Variants in COL23A1 observed in about 807,000 individuals in gnomAD.
COL23A1 encodes collagen type XXIII alpha 1 chain.
A neutral mutation model predicts 99.3 loss-of-function variants in COL23A1; 97 were observed. The observed-to-expected ratio is 0.98, with a 90% CI of 0.83 to 1.16. COL23A1 has a LOEUF of 1.16. Ranked by LOEUF, COL23A1 falls within the 50% of genes most tolerant of loss-of-function variation. The pLI is 0.00. For synonymous variants in COL23A1, 320 were observed against 308.2 expected, an observed-to-expected ratio of 1.04 and a Z score of -0.40; for missense variants, 762 against 757.4, an observed-to-expected ratio of 1.01 and a Z score of -0.07.
At chr5:178,556,274 T>A (rs1182196325) in intron 2 of COL23A1, among the ~76,000 whole-genome samples, 1 of 152,036 alleles carries the variant, frequency 6.6e-6, no homozygotes, top group African/African-American at 2.4e-5. Flanking sequence ...CAATGCGGGA[T>A]AACTGTTGCG....
At chr5:178,245,898 C>T in intron 25 of COL23A1, 44 bp downstream of exon 25, 1 of 1,611,106 alleles carries the variant, frequency 6.2e-7, no homozygotes, top group Non-Finnish European at 8.5e-7. Context: ...AGAAGATACA[C>T]ACAAGAGGCA....
At chr5:178,516,213 C>T (rs1187131325) in intron 2 of COL23A1, among the ~76,000 whole-genome samples, 1 of 152,140 alleles carries the variant, frequency 6.6e-6, no homozygotes, top group East Asian at 1.9e-4. Flanking sequence ...CTGTTTGCCC[C>T]TCTCCCCTCT....
intron 2 of COL23A1, among the ~76,000 whole-genome samples, chr5:178,383,343 A>C (rs1309989165): frequency 6.6e-6 from 1 of 152,180 alleles, no homozygotes; most frequent in Non-Finnish European, 1.5e-5. Flanking sequence ...AATTCTACAG[A>C]CAAGGGCCCA....
At chr5:178,332,839 C>T (rs1298414131) in intron 2 of COL23A1, among the ~76,000 whole-genome samples, 2 of 151,946 alleles carry the variant, frequency 1.3e-5, no homozygotes, top group Non-Finnish European at 2.9e-5. Context: ...GAGGGAGTGG[C>T]TCCTAGATAG....
chr5:178,481,148 A>AAAG (rs1306376038), intron 2 of COL23A1, among the ~76,000 whole-genome samples: 1 of 140,646 alleles, frequency 7.1e-6, no homozygotes, highest in Admixed American at 6.9e-5. Flanking sequence ...AAAAAAAAAA[A>AAAG]AAGAAAGAAA....
chr5:178,274,281 C>T (rs913378154), intron 5 of COL23A1, among the ~76,000 whole-genome samples: 2 of 152,240 alleles, frequency 1.3e-5, no homozygotes, highest in African/African-American at 4.8e-5. Flanking sequence ...AGACCATCTA[C>T]AAACCAGGTG....
intron 17 of COL23A1, among the ~76,000 whole-genome samples, chr5:178,251,093 A>C (rs1312205630): frequency 6.7e-6 from 1 of 148,214 alleles, no homozygotes; most frequent in Non-Finnish European, 1.5e-5. Flanking sequence ...CACAACCTCG[A>C]CTCACTACAA....
At chr5:178,278,673 CT>C (rs1057265650) in intron 5 of COL23A1, among the ~76,000 whole-genome samples, 2 of 151,856 alleles carry the variant, frequency 1.3e-5, no homozygotes, top group Admixed American at 6.6e-5. Context: ...GCCAGGCCCC[CT>C]ACCTCCTGCC....
intron 2 of COL23A1, among the ~76,000 whole-genome samples, chr5:178,464,717 T>C (rs995247544): frequency 2.6e-5 from 4 of 152,226 alleles, no homozygotes; most frequent in Non-Finnish European, 5.9e-5. Context: ...AATTTTTAAA[T>C]GGTTAATGAT....
chr5:178,404,738 C>T (rs899730847), intron 2 of COL23A1, among the ~76,000 whole-genome samples: 1 of 152,114 alleles, frequency 6.6e-6, no homozygotes, highest in Non-Finnish European at 1.5e-5. Context: ...GATGCAGAGG[C>T]TCACGTGATA....
intron 2 of COL23A1, among the ~76,000 whole-genome samples, chr5:178,335,794 C>T (rs949265002): frequency 2.0e-5 from 3 of 152,186 alleles, no homozygotes; most frequent in Non-Finnish European, 4.4e-5. Flanking sequence ...ATCACTGTGG[C>T]GAACTTCTTG....
intron 13 of COL23A1, 143 bp from the exon 14 acceptor site, chr5:178,257,071 C>G: frequency 1.4e-6 from 1 of 715,734 alleles, no homozygotes; most frequent in Non-Finnish European, 2.3e-6. Flanking sequence ...GGGGTGTGGG[C>G]GGATGGACCT....
chr5:178,383,632 G>A (rs1027437684), intron 2 of COL23A1, among the ~76,000 whole-genome samples: 2 of 152,220 alleles, frequency 1.3e-5, no homozygotes, highest in African/African-American at 4.8e-5. Context: ...CGTGACTTGT[G>A]TCCCAGGACT....
chr5:178,492,547 T>C (rs1217191929), intron 2 of COL23A1, among the ~76,000 whole-genome samples: 1 of 152,070 alleles, frequency 6.6e-6, no homozygotes, highest in Non-Finnish European at 1.5e-5. Context: ...GTGGTATTTG[T>C]TATGGCAGCT....
intron 2 of COL23A1, among the ~76,000 whole-genome samples, chr5:178,397,403 G>A (rs1038017470): frequency 1.3e-5 from 2 of 152,182 alleles, no homozygotes; most frequent in Non-Finnish European, 2.9e-5. Context: ...CATATGTTTC[G>A]GGGGAGAAAA....
intron 2 of COL23A1, among the ~76,000 whole-genome samples, chr5:178,436,712 A>G (rs1766583129): frequency 6.6e-6 from 1 of 152,162 alleles, no homozygotes; most frequent in Non-Finnish European, 1.5e-5. Flanking sequence ...AACTCTGCTC[A>G]TTCCTCATTA....
chr5:178,322,096 G>A (rs1051356967), intron 2 of COL23A1, among the ~76,000 whole-genome samples: 9 of 151,402 alleles, frequency 5.9e-5, no homozygotes, highest in East Asian at 5.9e-4. Flanking sequence ...GAGTTCAAGC[G>A]ATTCTCCTGC....
intron 2 of COL23A1, among the ~76,000 whole-genome samples, chr5:178,311,434 G>C (rs954220541): frequency 1.3e-5 from 2 of 152,038 alleles, no homozygotes; most frequent in African/African-American, 4.8e-5. Context: ...GGCTGCAGGG[G>C]CCTCTGGGCC....
At chr5:178,509,975 G>A (rs1368276980) in intron 2 of COL23A1, among the ~76,000 whole-genome samples, 5 of 152,172 alleles carry the variant, frequency 3.3e-5, no homozygotes, top group African/African-American at 9.7e-5. Context: ...CAACATTTCC[G>A]TCCTTAGTGC....
Sources: gnomAD v4.1 joint callset for allele counts (sites outside exome capture counted in the v4.1 genomes callset) on GRCh38, gnomAD v4.1.1 for gene constraint, MANE v1.5 for transcripts, NCBI Gene and HGNC (gene_info 2026-07-23, HGNC 2026-07-21) for gene names.